The following CRY2 variants were observed in gnomAD, a reference collection of about 807,000 sequenced individuals.
CRY2 encodes the protein cryptochrome-2.
Under a neutral mutation model 69.5 loss-of-function variants are expected in CRY2, and 31 were observed. That is an observed-to-expected ratio of 0.45 (90% CI 0.34 to 0.60). CRY2 has a LOEUF of 0.60. CRY2 is among the 20% of genes least tolerant of loss of function. The pLI, the probability that CRY2 is intolerant of heterozygous loss-of-function variation, is 0.02. For missense variants in CRY2, 606 were observed against 797.8 expected (o/e 0.76, Z 2.90); for synonymous variants, 303 against 312.2 (o/e 0.97, Z 0.31).
At chr11:45,858,658 G>A in intron 2 of CRY2, 73 bp from the exon 3 acceptor site, 1 of 1,505,562 alleles carries the variant, frequency 6.6e-7, no homozygotes, top group Non-Finnish European at 9.0e-7. Context: ...TCTCTCCCAG[G>A]AAGGAACTGA....
rs979566753 is a variant in CRY2, at chr11:45,847,672, C to G, written c.182C>G (p.Ala61Gly). The G allele has an allele frequency of 2.5e-6, 4 of 1,587,650 alleles. No homozygotes were observed. In the Middle Eastern group the frequency reaches 5.0e-4, roughly 197 times the overall value. ...RCVYILDPWF[A>G]ASSSVGINRW... ...GTTTACATTCTCGACCCGTGGTTCG[C>G]GGCCTCCTCCTCAGTCGGGATCAAC... Residue 61 changes from alanine to glycine, a missense_variant, in exon 1 of 12, where the codon GCG becomes GGG. Around this residue, in one of 5 missense-constraint regions of CRY2, gnomAD observed 382 missense variants for 508.9 expected, o/e 0.75. Coordinates refer to ENST00000616080, the MANE Select transcript of CRY2 (RefSeq NM_021117.5).
chr11:45,878,597 AAAAATTAT>A (rs1378467154), intron 11 of CRY2, among the ~76,000 whole-genome samples: 25 of 152,350 alleles, frequency 1.6e-4, no homozygotes, highest in African/African-American at 6.0e-4. Flanking sequence ...GCTTAAAGGG[AAAAATTAT>A]TGAAAATAAC....
chr11:45,857,418 C>A (rs2086249952), intron 2 of CRY2, among the ~76,000 whole-genome samples: 1 of 152,324 alleles, frequency 6.6e-6, no homozygotes, highest in African/African-American at 2.4e-5. Context: ...CTTCTCCCCT[C>A]GACATTGCCC....
intron 10 of CRY2, 66 bp downstream of exon 10, chr11:45,871,000 A>G: frequency 7.2e-7 from 1 of 1,389,690 alleles, no homozygotes; most frequent in African/African-American, 1.4e-5. Context: ...GTCATTCAGG[A>G]CTGAGGCCAG....
At chr11:45,850,809 T>G (rs1164198060) in intron 1 of CRY2, among the ~76,000 whole-genome samples, 1 of 152,130 alleles carries the variant, frequency 6.6e-6, no homozygotes, top group East Asian at 1.9e-4. Flanking sequence ...AATCTGTGAC[T>G]CTGTTTCCCT....
intron 11 of CRY2, among the ~76,000 whole-genome samples, chr11:45,878,660 C>T (rs934661726): frequency 6.6e-6 from 1 of 152,116 alleles, no homozygotes; most frequent in Admixed American, 6.5e-5. Context: ...CGGTGGCTTA[C>T]GCCTGTAATC....
chr11:45,851,201 C>T (rs1247421242), intron 1 of CRY2, among the ~76,000 whole-genome samples: 1 of 152,158 alleles, frequency 6.6e-6, no homozygotes, highest in Admixed American at 6.5e-5. Context: ...TTTTCATTAC[C>T]TTTCTCTCCC....
intron 11 of CRY2, among the ~76,000 whole-genome samples, chr11:45,872,513 G>A (rs1334339387): frequency 1.3e-5 from 2 of 152,056 alleles, no homozygotes; most frequent in Non-Finnish European, 2.9e-5. Context: ...GGCCAAGGTG[G>A]GAGGATCGCT....
Position 45,862,066 on chromosome 11 carries a change from C to A in CRY2, c.659C>A (p.Pro220His). The A allele has an allele frequency of 6.2e-7, 1 of 1,613,446 alleles. No homozygotes were observed. The highest frequency in any genetic ancestry group is 8.5e-7 in the Non-Finnish European group (1 of 1,179,700). ...GACCTTTCCTTCTCTTCAGGGTTCCCCACTGAAGGACTTGGTCCAGCTGTC... is the reference window on the plus strand; with the variant it reads ...GACCTTTCCTTCTCTTCAGGGTTCCACACTGAAGGACTTGGTCCAGCTGTC... The part of the protein sequence containing the change: ...GVPSLEELGF[P>H]TEGLGPAVWQ... Residue 220 changes from proline (P) to histidine (H), a missense_variant, in exon 5 of 12, where the codon CCC becomes CAC. Coordinates refer to ENST00000616080, the MANE Select transcript of CRY2 (RefSeq NM_021117.5).
intron 2 of CRY2, among the ~76,000 whole-genome samples, chr11:45,857,121 T>C (rs538780416): frequency 1.3e-5 from 2 of 152,246 alleles, no homozygotes; most frequent in Non-Finnish European, 1.5e-5. Context: ...CATCCTTCAA[T>C]TCCCCTCCCC....
Position 45,861,984 on chromosome 11 carries a change from A to G in CRY2, c.653-76A>G, listed in dbSNP as rs868310537. Reference sequence around the variant, plus strand: ...CTGTGGTTCAATTCTCATAAAGTTCAAATAACAGAACAGCCGTGCCGGGCT... The same window carrying G: ...CTGTGGTTCAATTCTCATAAAGTTCGAATAACAGAACAGCCGTGCCGGGCT... On this transcript the variant is annotated intron_variant, in intron 4 of 11. Coordinates refer to ENST00000616080, the MANE Select transcript of CRY2 (RefSeq NM_021117.5). 16 of 1,271,792 alleles carry G rather than the reference A, an allele frequency of 1.3e-5. No homozygotes were observed. In the Middle Eastern group the frequency reaches 1.3e-3, roughly 104 times the overall value. 78.8% of individuals were successfully genotyped at this position (1,271,792 alleles called of 1,614,324 possible).
In CRY2 at chr11:45,869,710, A is replaced by G; in HGVS notation, c.1087A>G (p.Met363Val). ...AGGCTTCCCTTGGATTGATGCCATCATGACCCAACTGAGGCAGGAGGGCTG... is the reference window on the plus strand; with the variant it reads ...AGGCTTCCCTTGGATTGATGCCATCGTGACCCAACTGAGGCAGGAGGGCTG... Reference protein sequence around the residue: ...KTGFPWIDAIMTQLRQEGWIH... With the variant: ...KTGFPWIDAIVTQLRQEGWIH... The change falls in exon 7 of 12, where the codon ATG becomes GTG. Residue 363 changes from methionine to valine, a missense_variant. By Grantham distance (21) the Met-to-Val change is conservative. Coordinates refer to ENST00000616080, the MANE Select transcript of CRY2 (RefSeq NM_021117.5). The G allele has an allele frequency of 1.2e-6, 2 of 1,614,198 alleles. 1 individual carries two copies. The highest frequency in any genetic ancestry group is 2.2e-5 in the South Asian group (2 of 91,090).
chr11:45,868,028 G>A (rs1027706371), intron 6 of CRY2: 9 of 414,896 alleles, frequency 2.2e-5, no homozygotes, highest in African/African-American at 3.9e-5. Flanking sequence ...TGACCCTAGA[G>A]GTGGCATATC....
intron 11 of CRY2, among the ~76,000 whole-genome samples, chr11:45,872,758 C>T (rs2086396297): frequency 6.6e-6 from 1 of 152,102 alleles, no homozygotes; most frequent in South Asian, 2.1e-4. Context: ...GCGCTTTCTA[C>T]CTATTAAAAT....
intron 2 of CRY2, among the ~76,000 whole-genome samples, chr11:45,857,850 G>A (rs565773329): frequency 2.7e-4 from 41 of 152,188 alleles, no homozygotes; most frequent in Non-Finnish European, 5.0e-4. Context: ...TGATATCCTC[G>A]AATGAGGGAT....
chr11:45,865,730 C>T (rs2086325674), intron 5 of CRY2, among the ~76,000 whole-genome samples: 1 of 151,994 alleles, frequency 6.6e-6, no homozygotes, highest in Non-Finnish European at 1.5e-5. Context: ...CTGCACTCCA[C>T]CCTGACCCTG....
At chr11:45,875,177 G>T (rs2086415871) in intron 11 of CRY2, among the ~76,000 whole-genome samples, 1 of 152,198 alleles carries the variant, frequency 6.6e-6, no homozygotes, top group African/African-American at 2.4e-5. Context: ...GTGGATACTG[G>T]TAGACAGCTA....
In CRY2 at chr11:45,847,645, G is replaced by A; in HGVS notation, c.155G>A (p.Cys52Tyr). The change falls in exon 1 of 12, where the codon TGC becomes TAC. Residue 52 changes from cysteine (C) to tyrosine (Y), a missense_variant. Around this residue, in one of 5 missense-constraint regions of CRY2, gnomAD observed 382 missense variants for 508.9 expected, o/e 0.75. Coordinates refer to ENST00000616080, the MANE Select transcript of CRY2 (RefSeq NM_021117.5). Reference protein sequence around the residue: ...AAVRGARCVRCVYILDPWFAA... With the variant: ...AAVRGARCVRYVYILDPWFAA... Reference sequence around the variant, plus strand: ...GTGCGCGGGGCGCGCTGCGTGCGCTGCGTTTACATTCTCGACCCGTGGTTC... The same window carrying A: ...GTGCGCGGGGCGCGCTGCGTGCGCTACGTTTACATTCTCGACCCGTGGTTC... The A allele has an allele frequency of 3.8e-6, 6 of 1,599,396 alleles. No individual in the cohort carries two copies. Among genetic ancestry groups the A allele is most frequent in the Non-Finnish European group, 5.1e-6 (6 of 1,173,846 alleles).
intron 5 of CRY2, among the ~76,000 whole-genome samples, chr11:45,865,833 A>T (rs1412948516): frequency 6.6e-6 from 1 of 152,226 alleles, no homozygotes; most frequent in East Asian, 1.9e-4. Flanking sequence ...CTGTCCTCAG[A>T]GCAACAGGAA....
Sources: allele counts gnomAD v4.1 joint callset (sites outside exome capture counted in the v4.1 genomes callset), GRCh38; gene constraint gnomAD v4.1.1; regional missense constraint gnomAD v4.1.1; transcripts MANE v1.5; gene names NCBI Gene and HGNC (gene_info 2026-07-23, HGNC 2026-07-21).